The following CCDC7 variants were observed in gnomAD, a reference collection of about 807,000 sequenced individuals.
The protein encoded by CCDC7 is coiled-coil domain containing 7, also known as coiled-coil domain-containing protein 7.
Under a neutral mutation model 196.9 loss-of-function variants are expected in CCDC7, and 183 were observed. The observed-to-expected ratio is 0.93, with a 90% CI of 0.82 to 1.05. CCDC7 has a LOEUF of 1.05. Among genes scored for constraint, CCDC7 ranks in the 50% least tolerant of loss-of-function variants. CCDC7 has a pLI of 0.00. For synonymous variants in CCDC7, 525 were observed against 484.6 expected (o/e 1.08, Z -1.10); for missense variants, 1,540 against 1,482.2 (o/e 1.04, Z -0.64).
intron 32 of CCDC7, among the ~76,000 whole-genome samples, chr10:32,831,360 C>G (rs1170103024): frequency 6.6e-6 from 1 of 152,156 alleles, no homozygotes; most frequent in Non-Finnish European, 1.5e-5. Context: ...TTATTGTACA[C>G]TACAGTAGAC....
intron 5 of CCDC7, among the ~76,000 whole-genome samples, chr10:32,469,209 A>C (rs1464612221): frequency 1.3e-5 from 2 of 152,006 alleles, no homozygotes; most frequent in Admixed American, 6.5e-5. Context: ...TTGGTTAGGG[A>C]AAGTTTAATA....
chr10:32,705,374 G>T (rs1234876139), intron 24 of CCDC7, among the ~76,000 whole-genome samples: 4 of 152,074 alleles, frequency 2.6e-5, no homozygotes, highest in Non-Finnish European at 5.9e-5. Flanking sequence ...ATGCCAAATT[G>T]TAAAGACCAT....
At chr10:32,731,282 T>A (rs949212458) in intron 28 of CCDC7, among the ~76,000 whole-genome samples, 1 of 152,204 alleles carries the variant, frequency 6.6e-6, no homozygotes, top group African/African-American at 2.4e-5. Context: ...GTTTGCATTT[T>A]TTTAAGTCAT....
At chr10:32,587,451 T>G (rs1382334801) in intron 18 of CCDC7, among the ~76,000 whole-genome samples, 1 of 152,144 alleles carries the variant, frequency 6.6e-6, no homozygotes, top group Admixed American at 6.5e-5. Context: ...TGTGATAACT[T>G]ACCCCCTCCT....
chr10:32,773,567 A>G (rs1396043256), intron 28 of CCDC7, among the ~76,000 whole-genome samples: 2 of 151,796 alleles, frequency 1.3e-5, no homozygotes, highest in East Asian at 3.9e-4. Context: ...TTGTTCCTGA[A>G]TTGTTTTCCA....
At position 32,876,327 on chromosome 10, in the gene CCDC7, C is replaced by T. The variant is rs2094596679; in HGVS notation, c.4112-20C>T. On this transcript the variant is annotated intron_variant, in intron 41 of 41. Coordinates refer to ENST00000639629, the Ensembl canonical transcript of CCDC7. ...TAAAATTAAACTTTTTTTCAATTAA[C>T]ACATAACTTTTCTTTAAAGTGTTAC... 1.3e-6 allele frequency: 2 copies of T among 1,597,050 alleles called. No homozygotes were observed. Among genetic ancestry groups the T allele is most frequent in the East Asian group, 2.2e-5 (1 of 44,584 alleles).
intron 22 of CCDC7, 152 bp downstream of exon 23, chr10:32,686,232 G>C (rs1279322832): frequency 2.0e-6 from 1 of 504,454 alleles, no homozygotes; most frequent in Non-Finnish European, 3.5e-6. Flanking sequence ...AAAAGCTAGA[G>C]TATTTATCAC....
intron 20 of CCDC7, among the ~76,000 whole-genome samples, chr10:32,655,947 C>A (rs559095356): frequency 6.6e-6 from 1 of 152,252 alleles, no homozygotes; most frequent in South Asian, 2.1e-4. Context: ...CGTATTTTGA[C>A]TATTAACTCC....
intron 13 of CCDC7, among the ~76,000 whole-genome samples, chr10:32,565,070 T>C (rs2056561329): frequency 6.6e-6 from 1 of 152,220 alleles, no homozygotes; most frequent in Non-Finnish European, 1.5e-5. Context: ...TTATGGTTGT[T>C]ATGTGTGGCA....
intron 25 of CCDC7, among the ~76,000 whole-genome samples, chr10:32,714,898 C>T (rs922805913): frequency 8.5e-5 from 13 of 152,202 alleles, no homozygotes; most frequent in Non-Finnish European, 8.8e-5. Context: ...GTAGCCCCAG[C>T]CAGGGGCTTA....
rs7078124 is a variant in CCDC7 at position 32,726,799 on chromosome 10, A to G, written c.2635A>G (p.Lys879Glu). 1.7e-4 allele frequency: 272 copies of G among 1,598,950 alleles called. No homozygotes were observed. In the African/African-American group the frequency reaches 3.4e-3, roughly 20 times the overall value. The change falls in exon 26 of 42, where the codon AAA becomes GAA. Residue 879 changes from lysine to glutamate, a missense_variant. By Grantham distance (56) the Lys-to-Glu change is moderately conservative. Coordinates refer to ENST00000639629, the Ensembl canonical transcript of CCDC7. ...GTCAAAACTCCAAATGCAAGAAAAG[A>G]AAAAAATAACTCCTGGAAGGGAAAG...
chr10:32,573,151 T>TA (rs2057782355), intron 16 of CCDC7, among the ~76,000 whole-genome samples: 1 of 152,216 alleles, frequency 6.6e-6, no homozygotes, highest in Admixed American at 6.5e-5. Context: ...GTGCTGGGAT[T>TA]ACAGGCGTGA....
Position 32,474,043 on chromosome 10 carries a change from A to G in CCDC7, c.796+20A>G, listed in dbSNP as rs200004319. ...AACCACGTAAGTTTCCACTCATTAA[A>G]GCATTATTGTGATAATAACCTCTGT... On this transcript the variant is annotated intron_variant, in intron 8 of 41. Coordinates refer to ENST00000639629, the Ensembl canonical transcript of CCDC7. 2 of 1,608,592 alleles carry G rather than the reference A, an allele frequency of 1.2e-6. No homozygotes were observed. The highest frequency in any genetic ancestry group is 2.2e-5 in the East Asian group (1 of 44,668).
At position 32,705,581 on chromosome 10, in the gene CCDC7, G is replaced by C. The variant is rs113302752; in HGVS notation, c.2459-6039G>C. Among the ~76,000 whole-genome samples, 5 of 152,214 alleles carry C rather than the reference G, an allele frequency of 3.3e-5. No individual in the cohort carries two copies. The South Asian group carries it at 1.0e-3, about 32-fold the overall frequency. On this transcript the variant is annotated intron_variant, in intron 24 of 41. Transcript: ENST00000639629. Reference sequence around the variant, plus strand: ...GCTATATTCAGGAGACCCATCTCACGTGCAGAGGCACACATAGGCTCAAAA... The same window carrying C: ...GCTATATTCAGGAGACCCATCTCACCTGCAGAGGCACACATAGGCTCAAAA...
chr10:32,805,066 A>G, exon 30 of CCDC7: 1 of 1,612,190 alleles, frequency 6.2e-7, no homozygotes, highest in Admixed American at 1.7e-5. Flanking sequence ...TTATTAAATG[A>G]TGAATTCAAG....
At chr10:32,514,123 TTCA>T (rs531376369) in intron 9 of CCDC7, 34 of 152,320 alleles carry the variant, frequency 2.2e-4, no homozygotes, top group African/African-American at 7.9e-4. Context: ...AATGAATGAA[TTCA>T]TCAAGGCTGC....
At chr10:32,724,337 C>A (rs972504208) in intron 25 of CCDC7, among the ~76,000 whole-genome samples, 2 of 152,200 alleles carry the variant, frequency 1.3e-5, no homozygotes, top group African/African-American at 4.8e-5. Flanking sequence ...AGTGTATTTA[C>A]TGGTCAACTC....
intron 8 of CCDC7, among the ~76,000 whole-genome samples, chr10:32,486,217 C>G (rs2041054891): frequency 1.3e-5 from 2 of 152,060 alleles, no homozygotes; most frequent in Non-Finnish European, 2.9e-5. Flanking sequence ...TTAGTTAGCT[C>G]TTCTTGTTGA....
At chr10:32,750,866 C>T (rs1041793690) in intron 28 of CCDC7, among the ~76,000 whole-genome samples, 1 of 152,136 alleles carries the variant, frequency 6.6e-6, no homozygotes. Context: ...TATTAGAATC[C>T]ATAATATTTC....
Sources: gnomAD v4.1 joint callset for allele counts (sites outside exome capture counted in the v4.1 genomes callset) on GRCh38, gnomAD v4.1.1 for gene constraint, MANE v1.5 for transcripts, NCBI Gene and HGNC (gene_info 2026-07-23, HGNC 2026-07-21) for gene names.